SHBG: variants seen among roughly 807,000 people sequenced by gnomAD.
SHBG encodes sex hormone-binding globulin.
A neutral mutation model predicts 41.9 loss-of-function variants in SHBG; 37 were observed. The ratio of observed to expected loss-of-function variants is 0.88; its 90% CI spans 0.68 to 1.16. The LOEUF (loss-of-function observed/expected upper bound fraction) is 1.16, where lower values mean the gene tolerates loss of function less well. SHBG is among the 50% of genes most tolerant of loss of function. The pLI is 0.00. For synonymous variants in SHBG, 217 were observed against 205.8 expected, an observed-to-expected ratio of 1.05 and a Z score of -0.47; for missense variants, 466 against 499.9, an observed-to-expected ratio of 0.93 and a Z score of 0.65.
At chr17:7,616,373 C>A (rs2071986932) in intron 1 of SHBG, among the ~76,000 whole-genome samples, 1 of 138,920 alleles carries the variant, frequency 7.2e-6, no homozygotes. Context: ...TTTGGGAGGC[C>A]GAGACGGGCG....
intron 6 of SHBG, among the ~76,000 whole-genome samples, chr17:7,632,471 G>T (rs1712717926): frequency 6.6e-6 from 1 of 152,108 alleles, no homozygotes; most frequent in Non-Finnish European, 1.5e-5. Flanking sequence ...AAGGCTTATG[G>T]ATGGCACTCA....
At chr17:7,618,592 C>T (rs1025918964) in intron 1 of SHBG, among the ~76,000 whole-genome samples, 12 of 152,116 alleles carry the variant, frequency 7.9e-5, no homozygotes, top group African/African-American at 2.7e-4. Flanking sequence ...TAGGCATGAG[C>T]CACTGCGCCC....
upstream of SHBG, chr17:7,626,444 G>A (rs1311969749): frequency 6.2e-7 from 1 of 1,613,772 alleles, no homozygotes; most frequent in East Asian, 2.2e-5. Flanking sequence ...CCTAGGGATG[G>A]CGTCACTTTC....
At chr17:7,625,363 G>A (rs1269904899), upstream of SHBG, among the ~76,000 whole-genome samples, 1 of 151,620 alleles carries the variant, frequency 6.6e-6, no homozygotes, top group African/African-American at 2.4e-5. Flanking sequence ...GGATCACGAG[G>A]TCAGGAGATC....
chr17:7,631,343 T>C lies in SHBG; in HGVS notation c.537T>C (p.Ala179=). ...RIALGGLLFP[A]SNLRLPLVPA... ...CGCTTGGGGGGCTGCTCTTCCCCGC[T>C]TCCAACCTTCGGTTGCCGGTAACTA... Residue 179 remains alanine (A), a synonymous_variant, in exon 4 of 8, where the codon GCT becomes GCC. Coordinates refer to ENST00000380450, the MANE Select transcript of SHBG (RefSeq NM_001040.5). 6.2e-7 allele frequency: 1 copy of C among 1,613,452 alleles called. No individual in the cohort carries two copies. The highest frequency in any genetic ancestry group is 1.1e-5 in the South Asian group (1 of 91,024).
chr17:7,626,768 G>T (rs2072222009), upstream of SHBG: 1 of 1,614,034 alleles, frequency 6.2e-7, no homozygotes, highest in Non-Finnish European at 8.5e-7. Flanking sequence ...CCACCTTTTT[G>T]ATTATTTTGG....
At chr17:7,631,544 G>A (rs2072413657) in intron 4 of SHBG, 45 bp from the exon 5 acceptor site, 1 of 1,610,586 alleles carries the variant, frequency 6.2e-7, no homozygotes, top group Non-Finnish European at 8.5e-7. Flanking sequence ...CGGCTCCGAT[G>A]CCCTGATTTC....
At position 7,631,904 on chromosome 17, in the gene SHBG, C is replaced by T; in HGVS notation, c.741C>T (p.Pro247=). 1 of 1,614,114 alleles carries T rather than the reference C, an allele frequency of 6.2e-7. No homozygotes were observed. The highest frequency in any genetic ancestry group is 2.2e-5 in the East Asian group (1 of 44,868). ...ACATTCCCCAGCCTCATGCAGAGCC[C>T]TGGGCCTTCTCTTTGGACCTGGGAC... The part of the protein sequence containing the change: ...LRDIPQPHAE[P]WAFSLDLGLK... Residue 247 remains proline, a synonymous_variant, in exon 6 of 8, where the codon CCC becomes CCT. Coordinates refer to ENST00000380450, the MANE Select transcript of SHBG (RefSeq NM_001040.5).
chr17:7,628,634 C>T (rs557486146), upstream of SHBG, among the ~76,000 whole-genome samples: 77 of 151,724 alleles, frequency 5.1e-4, no homozygotes, highest in South Asian at 6.1e-3. Context: ...TTAGTAGAGA[C>T]GGGGTTTCAC....
chr17:7,618,269 T>A (rs1240663460), intron 1 of SHBG, among the ~76,000 whole-genome samples: 1 of 150,896 alleles, frequency 6.6e-6, no homozygotes, highest in Non-Finnish European at 1.5e-5. Flanking sequence ...CTAGCCACAC[T>A]CTCAATATTT....
chr17:7,631,974 C>A lies in SHBG; in HGVS notation c.811C>A (p.Pro271Thr). Residue 271 changes from proline to threonine, a missense_variant, in exon 6 of 8, where the codon CCA (proline) becomes ACA (threonine). Transcript: ENST00000380450. The stretch of plus-strand genomic sequence containing the variant: ...AGGCCACCTCCTTGCTCTTGGGACA[C>A]CAGAGAACCCATCTTGGCTCAGTCT... ...GSGHLLALGT[P>T]ENPSWLSLHL... is the part of the protein sequence containing the mutation. The A allele has an allele frequency of 6.2e-7, 1 of 1,613,914 alleles. No homozygotes were observed. Among genetic ancestry groups the A allele is most frequent in the African/African-American group, 1.3e-5 (1 of 74,988 alleles).
At chr17:7,614,970 C>T (rs2071940251) in intron 1 of SHBG, 1 of 152,734 alleles carries the variant, frequency 6.5e-6, no homozygotes, top group Non-Finnish European at 1.5e-5. Flanking sequence ...AGGTTAGAGC[C>T]CCAGCTAGCG....
intron 1 of SHBG, among the ~76,000 whole-genome samples, chr17:7,617,374 G>T (rs890984632): frequency 5.3e-5 from 8 of 152,030 alleles, no homozygotes; most frequent in Non-Finnish European, 2.9e-5. Context: ...GGCTGAGGCG[G>T]GTGGATCACC....
In SHBG at chr17:7,630,143, T is replaced by C. The variant is rs184782320; in HGVS notation, c.-30T>C. 5.4e-3 allele frequency: 8,521 copies of C among 1,576,344 alleles called. 39 individuals carry two copies. Among genetic ancestry groups the C allele is most frequent in the Non-Finnish European group, 5.8e-3 (6,678 of 1,146,130 alleles). On this transcript the variant is annotated 5_prime_UTR_variant, in exon 1 of 8. Transcript: ENST00000380450. The surrounding 1 kb of genome is among the most constrained non-coding windows in gnomAD (Gnocchi z 4.6). The stretch of plus-strand genomic sequence containing the variant: ...CCTCTACACATTCTCCCAAGAGTTG[T>C]CTGAGCCGCCGAGTGGACAGTGGCT...
rs1456580328 is a variant in SHBG, at chr17:7,630,344, T to A, written c.111+61T>A. The A allele has an allele frequency of 1.3e-6, 2 of 1,564,654 alleles. No homozygotes were observed. The highest frequency in any genetic ancestry group is 1.7e-4 in the Middle Eastern group (1 of 5,978). ...TCTTCCCTTCTCTCCTCTGGCCCTG[T>A]AGCAGGGCCTCTCCCTCTGTCTGTC... is the stretch of plus-strand genomic sequence containing the variant. On this transcript the variant is annotated intron_variant, in intron 1 of 7. Coordinates refer to ENST00000380450, the MANE Select transcript of SHBG (RefSeq NM_001040.5). This position sits in a 1 kb window ranked among gnomAD's most constrained non-coding sequence, Gnocchi z 4.6.
At position 7,631,942 on chromosome 17, in the gene SHBG, C is replaced by T. The variant is rs755951984; in HGVS notation, c.779C>T (p.Ala260Val). The T allele has an allele frequency of 4.3e-6, 7 of 1,613,900 alleles. No individual in the cohort carries two copies. The highest frequency in any genetic ancestry group is 1.1e-5 in the South Asian group (1 of 91,088). Residue 260 changes from alanine to valine, a missense_variant, in exon 6 of 8, where the codon GCA becomes GTA. By Grantham distance (64) the Ala-to-Val change is moderately conservative. Transcript: ENST00000380450. ...TTGGACCTGGGACTCAAGCAGGCAG[C>T]AGGCTCAGGCCACCTCCTTGCTCTT... ...FSLDLGLKQAAGSGHLLALGT... is the reference protein window; with the variant it reads ...FSLDLGLKQAVGSGHLLALGT...
chr17:7,625,124 T>G (rs999254372), upstream of SHBG, among the ~76,000 whole-genome samples: 1 of 151,658 alleles, frequency 6.6e-6, no homozygotes, highest in African/African-American at 2.4e-5. Flanking sequence ...TAATTTTGTA[T>G]TTTTAGTAGA....
intron 1 of SHBG, among the ~76,000 whole-genome samples, chr17:7,618,088 GTGTGCC>G (rs1489133461): frequency 1.3e-5 from 2 of 151,826 alleles, no homozygotes; most frequent in Non-Finnish European, 2.9e-5. Context: ...ACGTGGTAGC[GTGTGCC>G]TGTAATCCCA....
At chr17:7,614,352 C>T in intron 1 of SHBG, 1 of 870,758 alleles carries the variant, frequency 1.1e-6, no homozygotes, top group Non-Finnish European at 1.8e-6. Context: ...TTCTAAGGGC[C>T]AGGACTCAGC....
Sources: gnomAD v4.1 joint callset for allele counts (sites outside exome capture counted in the v4.1 genomes callset) on GRCh38, gnomAD v4.1.1 for gene constraint, Gnocchi (gnomAD v3.1) non-coding constraint, MANE v1.5 for transcripts, NCBI Gene and HGNC (gene_info 2026-07-23, HGNC 2026-07-21) for gene names.